The following ASH1L variants were observed in gnomAD, a reference collection of about 807,000 sequenced individuals.
The protein encoded by ASH1L is ASH1 like histone lysine methyltransferase, also known as histone-lysine N-methyltransferase ASH1L.
Under a neutral mutation model 269.0 loss-of-function variants are expected in ASH1L, and 23 were observed. The observed-to-expected ratio is 0.09, with a 90% CI of 0.06 to 0.12. The LOEUF (loss-of-function observed/expected upper bound fraction) is 0.12, where lower values mean the gene tolerates loss of function less well. Ranked by LOEUF, ASH1L falls within the 10% of genes least tolerant of loss-of-function variation. The pLI, the probability that ASH1L is intolerant of heterozygous loss-of-function variation, is 1.00. For missense variants in ASH1L, 2,912 were observed against 3,567.8 expected (o/e 0.82, Z 4.68); for synonymous variants, 1,187 against 1,253.5 (o/e 0.95, Z 1.12).
intron 2 of ASH1L, among the ~76,000 whole-genome samples, chr1:155,490,801 T>G (rs1454144980): frequency 6.6e-6 from 1 of 151,516 alleles, no homozygotes; most frequent in African/African-American, 2.4e-5. Context: ...CTACAAAAAA[T>G]AAATCTCCAA....
chr1:155,508,495 C>CG (rs1667957078), intron 2 of ASH1L, among the ~76,000 whole-genome samples: 1 of 152,050 alleles, frequency 6.6e-6, no homozygotes, highest in Non-Finnish European at 1.5e-5. Context: ...AAAAATTAGC[C>CG]AGACATGATG....
At chr1:155,342,166 A>AC (rs1241320363) in intron 24 of ASH1L, 64 bp from the exon 25 acceptor site, 1 of 1,508,290 alleles carries the variant, frequency 6.6e-7, no homozygotes, top group African/African-American at 1.4e-5. Flanking sequence ...CTGCCCAAAG[A>AC]CCCCATACAC....
At position 155,466,121 on chromosome 1, in the gene ASH1L, G is replaced by A. The variant is rs952308940; in HGVS notation, c.4985-6223C>T. ...TGTAATCCCAGCACTTTGGAAGGCC[G>A]AGGCAGGCAGATCACGAGGTCAGGA... is the stretch of plus-strand genomic sequence containing the variant. On this transcript the variant is annotated intron_variant, in intron 3 of 27. Transcript: ENST00000392403. Among the ~76,000 whole-genome samples, 8 of 152,116 alleles carry A rather than the reference G, an allele frequency of 5.3e-5. No homozygotes were observed. In the East Asian group the frequency reaches 1.2e-3, roughly 22 times the overall value.
chr1:155,540,760 C>T (rs1007701391), intron 1 of ASH1L, among the ~76,000 whole-genome samples: 1 of 151,892 alleles, frequency 6.6e-6, no homozygotes, highest in African/African-American at 2.4e-5. Flanking sequence ...CAACACGAGA[C>T]CCTGTCTTAA....
At position 155,480,966 on chromosome 1, in the gene ASH1L, T is replaced by G; in HGVS notation, c.1904A>C (p.Asp635Ala). The change falls in exon 3 of 28, where the codon GAT (aspartate) becomes GCT (alanine). Residue 635 changes from aspartate to alanine, a missense_variant. Physicochemically the swap from Asp to Ala is moderately radical, Grantham distance 126. Transcript: ENST00000392403. Reference sequence around the variant, plus strand: ...AATATCTATATGGGTAGTTTTTGAATCATTTACCTCTTTATCAATCCCTTT... The same window carrying G: ...AATATCTATATGGGTAGTTTTTGAAGCATTTACCTCTTTATCAATCCCTTT... The part of the protein sequence containing the change: ...ECKGIDKEVN[D>A]SKTTHIDIPR... 1 of 1,614,116 alleles carries G rather than the reference T, an allele frequency of 6.2e-7. No homozygotes were observed. The highest frequency in any genetic ancestry group is 8.5e-7 in the Non-Finnish European group (1 of 1,179,984).
intron 3 of ASH1L, among the ~76,000 whole-genome samples, chr1:155,470,073 C>G (rs1164787697): frequency 2.6e-5 from 4 of 152,174 alleles, no homozygotes; most frequent in Admixed American, 6.5e-5. Context: ...TTCTTCGCTG[C>G]TAAATTCAAA....
chr1:155,338,814 C>A (rs1390770630), intron 26 of ASH1L, among the ~76,000 whole-genome samples: 4 of 152,050 alleles, frequency 2.6e-5, no homozygotes, highest in Non-Finnish European at 5.9e-5. Flanking sequence ...ATATTTTCTC[C>A]CTTATGGTAA....
intron 6 of ASH1L, among the ~76,000 whole-genome samples, chr1:155,404,090 C>T (rs919251956): frequency 2.7e-5 from 4 of 149,568 alleles, no homozygotes; most frequent in East Asian, 1.9e-4. Flanking sequence ...AACCTGGGCA[C>T]GGTGGCTCAC....
At chr1:155,388,577 G>A (rs549536171) in intron 7 of ASH1L, among the ~76,000 whole-genome samples, 6 of 152,106 alleles carry the variant, frequency 3.9e-5, no homozygotes, top group African/African-American at 1.4e-4. Context: ...CAAAGTGCTG[G>A]GATTATAGGC....
intron 6 of ASH1L, among the ~76,000 whole-genome samples, chr1:155,397,300 C>T (rs943373950): frequency 6.6e-6 from 1 of 151,794 alleles, no homozygotes; most frequent in African/African-American, 2.4e-5. Flanking sequence ...AGTTCAAGAC[C>T]AGCCTGGCCA....
In ASH1L at chr1:155,341,969, G is replaced by A. The variant is rs375074923; in HGVS notation, c.8427C>T (p.Phe2809=). Residue 2809 remains phenylalanine (F), a synonymous_variant, in exon 25 of 28, where the codon TTC becomes TTT. Transcript: ENST00000392403. ...CTTTTTTGGGAGTGAGCTTCTTGGG[G>A]AAGTGATCAAAAGCATAGGGTTTGG... ...VCTKPYAFDH[F]PKKLTPKKDF... 2 of 1,614,034 alleles carry A rather than the reference G, an allele frequency of 1.2e-6. No individual in the cohort carries two copies. The highest frequency in any genetic ancestry group is 1.7e-6 in the Non-Finnish European group (2 of 1,180,026).
intron 5 of ASH1L, among the ~76,000 whole-genome samples, chr1:155,428,334 G>T (rs1359380379): frequency 7.5e-6 from 1 of 133,412 alleles, no homozygotes. Context: ...CCAGCTACTC[G>T]GGAGACTGAG....
Position 155,402,119 on chromosome 1 carries a change from G to C in ASH1L, c.6009-6566C>G, listed in dbSNP as rs772949071. 2.0e-4 allele frequency among the ~76,000 whole-genome samples: 30 copies of C among 151,966 alleles called. 1 individual carries two copies. Among genetic ancestry groups the C allele is most frequent in the Admixed American group, 1.4e-3 (21 of 15,226 alleles). ...AAAAATCATACTAGCTGGGCATGGT[G>C]ATTGTGCCACTGCCAGACTCCGTCT... On this transcript the variant is annotated intron_variant, in intron 6 of 27. Coordinates refer to ENST00000392403, the MANE Select transcript of ASH1L (RefSeq NM_018489.3).
chr1:155,383,008 C>A (rs115372514), intron 7 of ASH1L, among the ~76,000 whole-genome samples: 3,149 of 152,294 alleles, frequency 0.021, 104 homozygotes, highest in African/African-American at 0.072. Context: ...CAGGCGTAAG[C>A]CGCCATGCCT....
intron 5 of ASH1L, among the ~76,000 whole-genome samples, chr1:155,416,616 A>C (rs1660231712): frequency 6.6e-6 from 1 of 151,712 alleles, no homozygotes; most frequent in African/African-American, 2.4e-5. Context: ...TCTCACTGCA[A>C]CTTCTGCTTC....
intron 5 of ASH1L, among the ~76,000 whole-genome samples, chr1:155,434,503 TAAA>T (rs777553969): frequency 7.1e-5 from 5 of 70,192 alleles, no homozygotes; most frequent in Admixed American, 1.7e-4. Flanking sequence ...TGGGACACAG[TAAA>T]AAAAAAAAAA....
chr1:155,361,170 T>C (rs1654906929), intron 12 of ASH1L, among the ~76,000 whole-genome samples: 1 of 151,476 alleles, frequency 6.6e-6, no homozygotes, highest in South Asian at 2.1e-4. Flanking sequence ...GATCATGAGG[T>C]CAGGAGTTCA....
chr1:155,562,661 C>G lies in ASH1L; in HGVS notation c.-608G>C. The G allele has an allele frequency of 2.6e-6, 4 of 1,524,384 alleles. No individual in the cohort carries two copies. The highest frequency in any genetic ancestry group is 3.5e-6 in the Non-Finnish European group (4 of 1,139,362). The allele number at this position is 1,524,384 out of a possible 1,614,324, so 94.4% of individuals were successfully genotyped here. Reference sequence around the variant, plus strand: ...GGCTGCTCCCACCAACCACCACCTTCGGCCGCCCCGCGCGCCAGCCAGCCC... The same window carrying G: ...GGCTGCTCCCACCAACCACCACCTTGGGCCGCCCCGCGCGCCAGCCAGCCC... On this transcript the variant is annotated 5_prime_UTR_variant, in exon 1 of 28. Transcript: ENST00000392403.
intron 11 of ASH1L, 24 bp from the exon 12 acceptor site, chr1:155,370,674 A>C: frequency 6.2e-7 from 1 of 1,612,878 alleles, no homozygotes; most frequent in Non-Finnish European, 8.5e-7. Context: ...AAATGATTGA[A>C]AGACAATTAA....
Sources: allele counts gnomAD v4.1 joint callset (sites outside exome capture counted in the v4.1 genomes callset), GRCh38; gene constraint gnomAD v4.1.1; transcripts MANE v1.5; gene names NCBI Gene and HGNC (gene_info 2026-07-23, HGNC 2026-07-21).